The following EGFLAM variants were observed in gnomAD, a reference collection of about 807,000 sequenced individuals.
EGFLAM encodes EGF like, fibronectin type III and laminin G domains.
Under a neutral mutation model 113.1 loss-of-function variants are expected in EGFLAM, and 79 were observed. The observed-to-expected ratio is 0.70, with a 90% CI of 0.58 to 0.84. The LOEUF (loss-of-function observed/expected upper bound fraction) is 0.84, where lower values mean the gene tolerates loss of function less well. Among genes scored for constraint, EGFLAM ranks in the 40% least tolerant of loss-of-function variants. EGFLAM has a pLI of 0.00. For missense variants in EGFLAM, 1,265 were observed against 1,291.6 expected, an observed-to-expected ratio of 0.98 and a Z score of 0.32; for synonymous variants, 504 against 487.6, an observed-to-expected ratio of 1.03 and a Z score of -0.44.
chr5:38,438,132 A>T (rs1012447291), intron 16 of EGFLAM, 143 bp from the exon 17 acceptor site: 9 of 759,678 alleles, frequency 1.2e-5, no homozygotes, highest in African/African-American at 3.6e-5. Flanking sequence ...CAAAAAAAAA[A>T]AAAAAAAAGT....
At chr5:38,365,750 T>A (rs1229433904) in intron 5 of EGFLAM, among the ~76,000 whole-genome samples, 1 of 152,250 alleles carries the variant, frequency 6.6e-6, no homozygotes, top group Non-Finnish European at 1.5e-5. Context: ...AGCTTTGTAT[T>A]CATATATAAT....
At chr5:38,337,679 T>C (rs750482461) in intron 2 of EGFLAM, 50 bp downstream of exon 2, 1 of 1,444,910 alleles carries the variant, frequency 6.9e-7, no homozygotes, top group East Asian at 2.5e-5. Context: ...CGTGTGACTG[T>C]ATGTCTTTCT....
Position 38,448,328 on chromosome 5 carries a change from A to G in EGFLAM, c.2492A>G (p.Gln831Arg), listed in dbSNP as rs1017828163. Residue 831 changes from glutamine to arginine, a missense_variant, in exon 18 of 22, where the codon CAG (glutamine) becomes CGG (arginine). Coordinates refer to ENST00000322350, the MANE Select transcript of EGFLAM (RefSeq NM_152403.4). ...KAIIEAIEIP[Q>R]FIGRSYLTYD... ...ATCATAGAAGCCATTGAGATCCCGCAGTTTATCGGCCGCAGTTACCTGACG... is the reference window on the plus strand; with the variant it reads ...ATCATAGAAGCCATTGAGATCCCGCGGTTTATCGGCCGCAGTTACCTGACG... 3.7e-6 allele frequency: 6 copies of G among 1,614,090 alleles called. No homozygotes were observed. Among genetic ancestry groups the G allele is most frequent in the African/African-American group, 1.3e-5 (1 of 74,940 alleles).
intron 14 of EGFLAM, among the ~76,000 whole-genome samples, chr5:38,428,243 T>A (rs1282763769): frequency 6.6e-6 from 1 of 152,164 alleles, no homozygotes; most frequent in African/African-American, 2.4e-5. Context: ...TTAAAAAGAG[T>A]ATGTAGGTGA....
intron 5 of EGFLAM, among the ~76,000 whole-genome samples, chr5:38,364,794 G>C (rs1364508672): frequency 6.6e-6 from 1 of 152,128 alleles, no homozygotes; most frequent in Non-Finnish European, 1.5e-5. Context: ...TCAAGGCATG[G>C]GATTGTCTGG....
intron 8 of EGFLAM, 138 bp from the exon 9 acceptor site, chr5:38,407,667 T>A: frequency 1.6e-6 from 1 of 610,684 alleles, no homozygotes. Context: ...ATAAAAAGTA[T>A]AGAAAAGAAG....
At chr5:38,336,106 G>A (rs1248973278) in intron 1 of EGFLAM, among the ~76,000 whole-genome samples, 1 of 152,030 alleles carries the variant, frequency 6.6e-6, no homozygotes, top group African/African-American at 2.4e-5. Context: ...GACAAATGCT[G>A]TTTATTATGG....
chr5:38,366,497 T>A (rs577177855), intron 5 of EGFLAM, among the ~76,000 whole-genome samples: 4 of 152,356 alleles, frequency 2.6e-5, no homozygotes, highest in African/African-American at 7.2e-5. Flanking sequence ...ATTCATCATT[T>A]GCCAATGGAC....
At chr5:38,381,135 T>C (rs893634029) in intron 6 of EGFLAM, among the ~76,000 whole-genome samples, 28 of 152,240 alleles carry the variant, frequency 1.8e-4, no homozygotes, top group African/African-American at 6.8e-4. Flanking sequence ...TGTTTCCTTT[T>C]ATTTACTTAA....
intron 19 of EGFLAM, 167 bp downstream of exon 19, chr5:38,451,625 A>C (rs1040747483): frequency 2.9e-6 from 3 of 1,018,372 alleles, no homozygotes; most frequent in Non-Finnish European, 4.2e-6. Context: ...TCCAACATTC[A>C]TCTTATAGAG....
At chr5:38,310,321 CACTT>C (rs1462600674) in intron 1 of EGFLAM, among the ~76,000 whole-genome samples, 1 of 152,166 alleles carries the variant, frequency 6.6e-6, no homozygotes, top group African/African-American at 2.4e-5. Flanking sequence ...CATGCTCTCT[CACTT>C]ACTATCTGTA....
At chr5:38,460,230 G>T (rs1743226540) in intron 20 of EGFLAM, among the ~76,000 whole-genome samples, 2 of 152,172 alleles carry the variant, frequency 1.3e-5, no homozygotes, top group Non-Finnish European at 2.9e-5. Context: ...GGAGATCATT[G>T]GTAGAATACT....
rs746941390 is a variant in EGFLAM at position 38,438,290 on chromosome 5, C to G, written c.2299C>G (p.Arg767Gly). The change falls in exon 17 of 22, where the codon CGA (arginine) becomes GGA (glycine). Residue 767 changes from arginine (R) to glycine (G), a missense_variant. Transcript: ENST00000322350. ...GSIQKIILND[R>G]TIHVKHDFTS... ...CTCTCTCAAGATCATCCTGAATGAC[C>G]GAACCATCCATGTGAAGCATGACTT... 6.2e-7 allele frequency: 1 copy of G among 1,612,768 alleles called. No individual in the cohort carries two copies. Among genetic ancestry groups the G allele is most frequent in the Non-Finnish European group, 8.5e-7 (1 of 1,179,326 alleles).
At chr5:38,286,527 T>C (rs2886891) in intron 1 of EGFLAM, among the ~76,000 whole-genome samples, 26,272 of 152,076 alleles carry the variant, frequency 0.17, 2,571 homozygotes, top group Middle Eastern at 0.29. Flanking sequence ...TCCCAAATTA[T>C]CCAGCTCCTC....
chr5:38,426,151 G>C (rs1290332163), intron 13 of EGFLAM, among the ~76,000 whole-genome samples: 1 of 151,812 alleles, frequency 6.6e-6, no homozygotes, highest in Non-Finnish European at 1.5e-5. Context: ...CGTTAACAAT[G>C]TGATGGGACA....
At chr5:38,318,839 A>G (rs576603146) in intron 1 of EGFLAM, among the ~76,000 whole-genome samples, 2 of 152,062 alleles carry the variant, frequency 1.3e-5, no homozygotes, top group African/African-American at 2.4e-5. Flanking sequence ...TTTCCTCAGG[A>G]AAGACCCTCA....
chr5:38,394,424 T>A (rs76041100), intron 6 of EGFLAM, among the ~76,000 whole-genome samples: 4 of 151,902 alleles, frequency 2.6e-5, no homozygotes, highest in South Asian at 2.1e-4. Context: ...TTTTTTTTTT[T>A]AATGAGACGG....
chr5:38,448,971 G>A (rs187506364), intron 18 of EGFLAM, among the ~76,000 whole-genome samples: 222 of 152,352 alleles, frequency 1.5e-3, no homozygotes, highest in Non-Finnish European at 2.8e-3. Flanking sequence ...CACAGCCATG[G>A]CATCTCACCC....
chr5:38,311,394 C>G (rs1026213678), intron 1 of EGFLAM, among the ~76,000 whole-genome samples: 1 of 152,154 alleles, frequency 6.6e-6, no homozygotes, highest in African/African-American at 2.4e-5. Context: ...TACTCTGTTT[C>G]TGTGAGTTCG....
Sources: allele counts gnomAD v4.1 joint callset (sites outside exome capture counted in the v4.1 genomes callset), GRCh38; gene constraint gnomAD v4.1.1; transcripts MANE v1.5; gene names NCBI Gene and HGNC (gene_info 2026-07-23, HGNC 2026-07-21).